CFDP1: variants seen among roughly 807,000 people sequenced by gnomAD.
CFDP1 encodes heterochromatin-stabilizing protein CFDP1.
Under a neutral mutation model 40.1 loss-of-function variants are expected in CFDP1, and 31 were observed. The ratio of observed to expected loss-of-function variants is 0.77; its 90% CI spans 0.58 to 1.04. The LOEUF (loss-of-function observed/expected upper bound fraction) is 1.04. Among genes scored for constraint, CFDP1 ranks in the 50% least tolerant of loss-of-function variants. The pLI is 0.00. For synonymous variants in CFDP1, 167 were observed against 120.0 expected (o/e 1.39, Z -2.56); for missense variants, 423 against 343.4 (o/e 1.23, Z -1.83).
chr16:75,351,497 A>G (rs550559232), intron 5 of CFDP1, among the ~76,000 whole-genome samples: 55 of 152,322 alleles, frequency 3.6e-4, no homozygotes, highest in African/African-American at 1.3e-3. Context: ...TAACTAACTA[A>G]TTTGAAGAAC....
At chr16:75,360,473 A>G (rs2078673604) in intron 5 of CFDP1, among the ~76,000 whole-genome samples, 1 of 152,230 alleles carries the variant, frequency 6.6e-6, no homozygotes, top group Non-Finnish European at 1.5e-5. Context: ...ATTTTGTAAA[A>G]ATAATTTAGC....
At chr16:75,378,330 T>C (rs2078820560) in intron 5 of CFDP1, among the ~76,000 whole-genome samples, 1 of 151,972 alleles carries the variant, frequency 6.6e-6, no homozygotes, top group African/African-American at 2.4e-5. Context: ...TAAAATGTCA[T>C]TCCAATCATA....
intron 5 of CFDP1, among the ~76,000 whole-genome samples, chr16:75,308,616 G>A (rs2078273826): frequency 6.6e-6 from 1 of 152,036 alleles, no homozygotes; most frequent in Non-Finnish European, 1.5e-5. Context: ...TCAGATATTC[G>A]CAGAACTAAG....
At chr16:75,371,608 T>C (rs1400220851) in intron 5 of CFDP1, among the ~76,000 whole-genome samples, 2 of 152,204 alleles carry the variant, frequency 1.3e-5, no homozygotes, top group African/African-American at 4.8e-5. Context: ...TATATTTTAG[T>C]ACATAAAAAT....
At position 75,349,698 on chromosome 16, in the gene CFDP1, T is replaced by TATAC. The variant is rs146824267; in HGVS notation, c.651-44517_651-44516insGTAT. ...AAAAAAAAAAAAAAAAAAATATATA[T>TATAC]ACATACATATATACGGTTGATTTTT... On this transcript the variant is annotated intron_variant, in intron 5 of 6. Transcript: ENST00000283882. Among the ~76,000 whole-genome samples the TATAC allele has an allele frequency of 3.8e-4, 18 of 47,896 alleles. 2 individuals carry two copies. The highest frequency in any genetic ancestry group is 5.5e-4 in the African/African-American group (5 of 9,172). 31.4% of individuals were successfully genotyped at this position (47,896 alleles called of 152,430 possible).
At chr16:75,350,823 CCAAGATACG>C (rs1275961055) in intron 5 of CFDP1, among the ~76,000 whole-genome samples, 2 of 152,032 alleles carry the variant, frequency 1.3e-5, no homozygotes, top group African/African-American at 4.8e-5. Context: ...TACCGTTAAT[CCAAGATACG>C]CAAGATAAAT....
chr16:75,423,581 C>T (rs1352586476), intron 1 of CFDP1, among the ~76,000 whole-genome samples: 2 of 152,004 alleles, frequency 1.3e-5, no homozygotes, highest in Non-Finnish European at 2.9e-5. Context: ...GTGGTGCGAT[C>T]TCCGCTCACT....
intron 5 of CFDP1, among the ~76,000 whole-genome samples, chr16:75,317,450 A>G (rs1318779542): frequency 6.6e-6 from 1 of 152,216 alleles, no homozygotes; most frequent in East Asian, 1.9e-4. Context: ...GGGAGTAAAG[A>G]AGGCCAGGGG....
chr16:75,376,272 AATTCC>A (rs1399052004), intron 5 of CFDP1, among the ~76,000 whole-genome samples: 1 of 152,208 alleles, frequency 6.6e-6, no homozygotes, highest in African/African-American at 2.4e-5. Flanking sequence ...ATGACCTAGC[AATTCC>A]ATTCCTAGGT....
intron 5 of CFDP1, among the ~76,000 whole-genome samples, chr16:75,338,788 G>T (rs570539876): frequency 6.6e-6 from 1 of 152,244 alleles, no homozygotes; most frequent in East Asian, 1.9e-4. Context: ...TGATATCTAA[G>T]GGATAGCTTC....
At chr16:75,354,287 T>C (rs1169194020) in intron 5 of CFDP1, among the ~76,000 whole-genome samples, 1 of 152,220 alleles carries the variant, frequency 6.6e-6, no homozygotes, top group East Asian at 1.9e-4. Context: ...AACCCCATCA[T>C]ATGTCAAGGA....
At chr16:75,333,314 G>C (rs889683156) in intron 5 of CFDP1, among the ~76,000 whole-genome samples, 1 of 151,268 alleles carries the variant, frequency 6.6e-6, no homozygotes, top group Admixed American at 6.6e-5. Flanking sequence ...TAGTAGAGAC[G>C]GGGTTTCACC....
chr16:75,417,508 G>A (rs2079220879), intron 1 of CFDP1, among the ~76,000 whole-genome samples: 1 of 152,172 alleles, frequency 6.6e-6, no homozygotes, highest in South Asian at 2.1e-4. Flanking sequence ...AGCTCTGGAT[G>A]AGGAAAAAGG....
At chr16:75,400,246 T>C (rs1378571885) in intron 4 of CFDP1, among the ~76,000 whole-genome samples, 1 of 151,746 alleles carries the variant, frequency 6.6e-6, no homozygotes, top group Admixed American at 6.6e-5. Context: ...CGTGGAACTA[T>C]ACAGCCTAGG....
intron 5 of CFDP1, among the ~76,000 whole-genome samples, chr16:75,348,635 G>A (rs915323332): frequency 6.6e-6 from 1 of 151,542 alleles, no homozygotes; most frequent in African/African-American, 2.4e-5. Flanking sequence ...ATTATTTACT[G>A]CAAGCTTTTT....
intron 5 of CFDP1, among the ~76,000 whole-genome samples, chr16:75,334,712 T>G (rs1216905264): frequency 6.6e-6 from 1 of 152,068 alleles, no homozygotes; most frequent in Non-Finnish European, 1.5e-5. Flanking sequence ...TGCAGCACTT[T>G]GGGAGGCTGA....
chr16:75,366,750 C>T lies in CFDP1; in HGVS notation c.650+28340G>A, dbSNP rs531633585. Among the ~76,000 whole-genome samples the T allele has an allele frequency of 3.9e-5, 6 of 152,260 alleles. No individual in the cohort carries two copies. In the South Asian group the frequency reaches 1.2e-3, roughly 32 times the overall value. ...CAGATCAGTGGTTGTCTGGAGGGCT[C>T]CCATCTTCTGGGGCTGAAGATGGGA... is the stretch of plus-strand genomic sequence containing the variant. On this transcript the variant is annotated intron_variant, in intron 5 of 6. Coordinates refer to ENST00000283882, the MANE Select transcript of CFDP1 (RefSeq NM_006324.3).
At chr16:75,341,172 TGAC>T (rs1421048812) in intron 5 of CFDP1, among the ~76,000 whole-genome samples, 1 of 152,214 alleles carries the variant, frequency 6.6e-6, no homozygotes, top group Non-Finnish European at 1.5e-5. Flanking sequence ...TGGGTCTTCC[TGAC>T]AAGGCACCAG....
intron 1 of CFDP1, among the ~76,000 whole-genome samples, chr16:75,421,886 C>G (rs1223745884): frequency 6.6e-6 from 1 of 152,156 alleles, no homozygotes; most frequent in African/African-American, 2.4e-5. Flanking sequence ...ATGTTCAAGT[C>G]CCTGATATAA....
Sources: gnomAD v4.1 joint callset for allele counts (sites outside exome capture counted in the v4.1 genomes callset) on GRCh38, gnomAD v4.1.1 for gene constraint, MANE v1.5 for transcripts, NCBI Gene and HGNC (gene_info 2026-07-23, HGNC 2026-07-21) for gene names.